The following ZNF697 variants were observed in gnomAD, a reference collection of about 807,000 sequenced individuals.
ZNF697 encodes zinc finger protein 697.
A neutral mutation model predicts 32.4 loss-of-function variants in ZNF697; 23 were observed. The ratio of observed to expected loss-of-function variants is 0.71; its 90% CI spans 0.51 to 1.01. The LOEUF (loss-of-function observed/expected upper bound fraction) is 1.01, where lower values mean the gene tolerates loss of function less well. Among genes scored for constraint, ZNF697 ranks in the 50% least tolerant of loss-of-function variants. The probability of loss-of-function intolerance (pLI) is 0.00; values close to 1 mark genes in which losing one functional copy is unlikely to be tolerated. For synonymous variants in ZNF697, 418 were observed against 337.2 expected, an observed-to-expected ratio of 1.24 and a Z score of -2.62; for missense variants, 930 against 794.0, an observed-to-expected ratio of 1.17 and a Z score of -2.06.
At chr1:119,632,866 C>T (rs1308705082) in intron 1 of ZNF697, among the ~76,000 whole-genome samples, 8 of 152,172 alleles carry the variant, frequency 5.3e-5, no homozygotes, top group East Asian at 1.9e-4. Flanking sequence ...TAGAATCTTC[C>T]GCGACATAAA....
intron 1 of ZNF697, among the ~76,000 whole-genome samples, chr1:119,644,197 C>A (rs1649147530): frequency 6.6e-6 from 1 of 152,026 alleles, no homozygotes; most frequent in Non-Finnish European, 1.5e-5. Context: ...AAAAGGCTAC[C>A]CAAAAGAAGT....
chr1:119,623,978 T>C lies in ZNF697; in HGVS notation c.365A>G (p.Glu122Gly). The change falls in exon 3 of 3, where the codon GAG (glutamate) becomes GGG (glycine). Residue 122 changes from glutamate (E) to glycine (G), a missense_variant. Physicochemically the swap from Glu to Gly is moderately conservative, Grantham distance 98. Coordinates refer to ENST00000421812, the MANE Select transcript of ZNF697 (RefSeq NM_001080470.2). ...ISRSLREDDDESAGENRLEEE... is the reference protein window; with the variant it reads ...ISRSLREDDDGSAGENRLEEE... Reference sequence around the variant, plus strand: ...CTCCAGCCGGTTCTCCCCAGCACTCTCGTCGTCGTCCTCCCGGAGGCTCCG... The same window carrying C: ...CTCCAGCCGGTTCTCCCCAGCACTCCCGTCGTCGTCCTCCCGGAGGCTCCG... 5 of 1,610,276 alleles carry C rather than the reference T, an allele frequency of 3.1e-6. No homozygotes were observed. The highest frequency in any genetic ancestry group is 4.2e-6 in the Non-Finnish European group (5 of 1,178,398).
intron 1 of ZNF697, among the ~76,000 whole-genome samples, chr1:119,643,851 G>C (rs1376373196): frequency 1.3e-5 from 2 of 152,194 alleles, no homozygotes; most frequent in African/African-American, 4.8e-5. Context: ...CATATTTCCA[G>C]AAGGTACTTT....
chr1:119,631,719 G>A (rs1232802061), intron 1 of ZNF697, among the ~76,000 whole-genome samples: 1 of 152,206 alleles, frequency 6.6e-6, no homozygotes, highest in Non-Finnish European at 1.5e-5. Context: ...TCAGGGGAAG[G>A]AAGCGGCCCG....
rs115467558 is a variant in ZNF697 at position 119,621,276 on chromosome 1, A to G, written c.*1429T>C. The G allele has an allele frequency of 0.021, 3,128 of 152,484 alleles. 46 individuals are homozygous for G. Among genetic ancestry groups the G allele is most frequent in the Non-Finnish European group, 0.034 (2,345 of 68,038 alleles). 9.4% of individuals were successfully genotyped at this position (152,484 alleles called of 1,614,324 possible). A position where few individuals can be genotyped will look rare whatever the true frequency, so the allele number is the denominator to read the frequency against. On this transcript the variant is annotated 3_prime_UTR_variant, in exon 3 of 3. Transcript: ENST00000421812. ...GGAGAATGCAAAAGGTCAGGCTACA[A>G]TTATTCACACTGTCCTCAGCCTCTC...
rs113847423 is a variant in ZNF697, at chr1:119,643,784, A to T, written c.-38+3907T>A. On this transcript the variant is annotated intron_variant, in intron 1 of 2. Transcript: ENST00000421812. ...CCCGAAATTATTAAACACTATAATC[A>T]TTCAGTGCCAGTGTTAGTTAAGCTC... Among the ~76,000 whole-genome samples the T allele has an allele frequency of 3.3e-5, 5 of 152,336 alleles. 1 individual carries two copies. The highest frequency in any genetic ancestry group is 1.2e-4 in the African/African-American group (5 of 41,594).
At chr1:119,642,974 C>T (rs1015793282) in intron 1 of ZNF697, among the ~76,000 whole-genome samples, 1 of 152,166 alleles carries the variant, frequency 6.6e-6, no homozygotes, top group African/African-American at 2.4e-5. Context: ...AAAAGTCTTC[C>T]TATAGTGCCC....
At chr1:119,644,793 C>G (rs1402650710) in intron 1 of ZNF697, among the ~76,000 whole-genome samples, 4 of 152,176 alleles carry the variant, frequency 2.6e-5, no homozygotes, top group Non-Finnish European at 5.9e-5. Context: ...AAGTGAGGGA[C>G]TACTAAATTG....
intron 1 of ZNF697, among the ~76,000 whole-genome samples, chr1:119,646,101 A>G (rs909837030): frequency 6.6e-6 from 1 of 152,060 alleles, no homozygotes; most frequent in Non-Finnish European, 1.5e-5. Flanking sequence ...TACCACTTCA[A>G]TCCAGCCGCA....
At position 119,648,091 on chromosome 1, in the gene ZNF697, C is replaced by T. The variant is rs1649264799; in HGVS notation, c.-438G>A. Among the ~76,000 whole-genome samples the T allele has an allele frequency of 6.6e-6, 1 of 152,186 alleles. No homozygotes were observed. Among genetic ancestry groups the T allele is most frequent in the Admixed American group, 6.5e-5 (1 of 15,290 alleles). Reference sequence around the variant, plus strand: ...CCTACCTGCGAGGCGGCTGGCGCGGCGAGGAGCTAGGGCACCGAGCGCCCC... The same window carrying T: ...CCTACCTGCGAGGCGGCTGGCGCGGTGAGGAGCTAGGGCACCGAGCGCCCC... On this transcript the variant is annotated 5_prime_UTR_variant, in exon 1 of 3. Transcript: ENST00000421812.
chr1:119,626,700 T>C (rs1393798626), intron 1 of ZNF697, among the ~76,000 whole-genome samples: 2 of 152,198 alleles, frequency 1.3e-5, no homozygotes, highest in Non-Finnish European at 2.9e-5. Context: ...AATAGAAGCA[T>C]CAAGTATAGT....
In ZNF697 at chr1:119,627,337, A is replaced by C. The variant is rs587774763; in HGVS notation, c.-37-1200T>G. 3.3e-5 allele frequency among the ~76,000 whole-genome samples: 5 copies of C among 152,322 alleles called. No individual in the cohort carries two copies. In the East Asian group the frequency reaches 9.6e-4, roughly 29 times the overall value. On this transcript the variant is annotated intron_variant, in intron 1 of 2. Transcript: ENST00000421812. ...GGTAAGCTGGAGTTCCAGGCAGCGCAAGTTGGAAATTCCAGCTGGGTCAGC... is the reference window on the plus strand; with the variant it reads ...GGTAAGCTGGAGTTCCAGGCAGCGCCAGTTGGAAATTCCAGCTGGGTCAGC...
rs1227037917 is a variant in ZNF697, at chr1:119,622,795, C to A, written c.1548G>T (p.Thr516=). The A allele has an allele frequency of 6.3e-7, 1 of 1,599,892 alleles. No individual in the cohort carries two copies. Among genetic ancestry groups the A allele is most frequent in the Non-Finnish European group, 8.5e-7 (1 of 1,173,494 alleles). The change falls in exon 3 of 3, where the codon ACG becomes ACT. Residue 516 remains threonine, a synonymous_variant. Coordinates refer to ENST00000421812, the MANE Select transcript of ZNF697 (RefSeq NM_001080470.2). ...CCGCACACTTGTGCGGCTTGTTGCC[C>A]GTGTGGATGCGGCGGTGGCGGATCA... ...SHLIRHRRIH[T]GNKPHKCAGC...
At chr1:119,626,800 T>A (rs1201306137) in intron 1 of ZNF697, among the ~76,000 whole-genome samples, 1 of 152,204 alleles carries the variant, frequency 6.6e-6, no homozygotes, top group Non-Finnish European at 1.5e-5. Context: ...TGAGCCAAGA[T>A]GATTCAAGTA....
At chr1:119,629,970 G>A (rs1181903520) in intron 1 of ZNF697, among the ~76,000 whole-genome samples, 9 of 152,196 alleles carry the variant, frequency 5.9e-5, no homozygotes, top group Admixed American at 4.6e-4. Context: ...CAGAGTATAG[G>A]TCTAAAGCTA....
Position 119,623,127 on chromosome 1 carries a change from C to T in ZNF697, c.1216G>A (p.Glu406Lys). 2 of 1,591,292 alleles carry T rather than the reference C, an allele frequency of 1.3e-6. No individual in the cohort carries two copies. Among genetic ancestry groups the T allele is most frequent in the Non-Finnish European group, 8.6e-7 (1 of 1,169,282 alleles). ...LVKHQRVHTG[E>K]KPYMCSECGE... ...CACTCGGAGCACATGTAGGGCTTCTCGCCCGTGTGCACGCGCTGGTGCTTC... is the reference window on the plus strand; with the variant it reads ...CACTCGGAGCACATGTAGGGCTTCTTGCCCGTGTGCACGCGCTGGTGCTTC... Residue 406 changes from glutamate (E) to lysine (K), a missense_variant, in exon 3 of 3, where the codon GAG (glutamate) becomes AAG (lysine). Glu to Lys is a moderately conservative substitution (Grantham distance 56). Transcript: ENST00000421812.
chr1:119,623,131 C>T lies in ZNF697; in HGVS notation c.1212G>A (p.Thr404=), dbSNP rs1648406421. Residue 404 remains threonine (T), a synonymous_variant, in exon 3 of 3, where the codon ACG becomes ACA. Transcript: ENST00000421812. The part of the protein sequence containing the change: ...SDLVKHQRVH[T]GEKPYMCSEC... Reference sequence around the variant, plus strand: ...CGGAGCACATGTAGGGCTTCTCGCCCGTGTGCACGCGCTGGTGCTTCACCA... The same window carrying T: ...CGGAGCACATGTAGGGCTTCTCGCCTGTGTGCACGCGCTGGTGCTTCACCA... 1.9e-6 allele frequency: 3 copies of T among 1,589,456 alleles called. No individual in the cohort carries two copies. Among genetic ancestry groups the T allele is most frequent in the Admixed American group, 1.8e-5 (1 of 56,688 alleles).
In ZNF697 at chr1:119,623,855, A is replaced by C; in HGVS notation, c.488T>G (p.Phe163Cys). The change falls in exon 3 of 3, where the codon TTC (phenylalanine) becomes TGC (cysteine). Residue 163 changes from phenylalanine (F) to cysteine (C), a missense_variant. Transcript: ENST00000421812. The stretch of plus-strand genomic sequence containing the variant: ...GGCCATGGGGTGGTGGAGCCGGTGG[A>C]AGCGGCGGTGGGCGGGCTTGTCACC... ...HRGDKPAHRR[F>C]HRLHHPMAVD... 7 of 1,543,370 alleles carry C rather than the reference A, an allele frequency of 4.5e-6. No individual in the cohort carries two copies. Among genetic ancestry groups the C allele is most frequent in the Non-Finnish European group, 6.1e-6 (7 of 1,141,872 alleles).
Position 119,623,674 on chromosome 1 carries a change from C to G in ZNF697, c.669G>C (p.Glu223Asp), listed in dbSNP as rs1348234673. 7.3e-7 allele frequency: 1 copy of G among 1,372,200 alleles called. No individual in the cohort carries two copies. Among genetic ancestry groups the G allele is most frequent in the Non-Finnish European group, 9.6e-7 (1 of 1,044,670 alleles). The allele number at this position is 1,372,200 out of a possible 1,614,324, so 85.0% of individuals were successfully genotyped here. Reference protein sequence around the residue: ...LAEAAAAASLEPFGLAGECDA... With the variant: ...LAEAAAAASLDPFGLAGECDA... ...CGCACTCGCCCGCCAGGCCGAAGGG[C>G]TCCAGGCTGGCGGCGGCAGCGGCCT... The change falls in exon 3 of 3, where the codon GAG (glutamate) becomes GAC (aspartate). Residue 223 changes from glutamate (E) to aspartate (D), a missense_variant. Glu to Asp is a conservative substitution (Grantham distance 45). Transcript: ENST00000421812.
Sources: allele counts gnomAD v4.1 joint callset (sites outside exome capture counted in the v4.1 genomes callset), GRCh38; gene constraint gnomAD v4.1.1; transcripts MANE v1.5; gene names NCBI Gene and HGNC (gene_info 2026-07-23, HGNC 2026-07-21).